AQP10: variants seen among roughly 807,000 people sequenced by gnomAD.
AQP10 encodes aquaporin 10, also known as aquaporin-10.
In AQP10, 15 loss-of-function variants were observed where a neutral mutation model predicts 21.0. That is an observed-to-expected ratio of 0.71 (90% CI 0.48 to 1.10). The LOEUF is 1.10. Among genes scored for constraint, AQP10 ranks in the 50% least tolerant of loss-of-function variants. The pLI, the probability that AQP10 is intolerant of heterozygous loss-of-function variation, is 0.00. For missense variants in AQP10, 268 were observed against 379.5 expected (o/e 0.71, Z 2.44); for synonymous variants, 143 against 155.7 (o/e 0.92, Z 0.61).
chr1:154,323,165 G>A lies in AQP10; in HGVS notation c.370+46G>A. On this transcript the variant is annotated intron_variant, in intron 3 of 5. Transcript: ENST00000324978. This position sits in a 1 kb window ranked among gnomAD's most constrained non-coding sequence, Gnocchi z 4.5. ...AGCTGTGCCTTGAGAGCACCTGTGG[G>A]TGGGCAGGGGTGCCTCAGAATGGTT... 1 of 1,613,984 alleles carries A rather than the reference G, an allele frequency of 6.2e-7. No individual in the cohort carries two copies. The highest frequency in any genetic ancestry group is 8.5e-7 in the Non-Finnish European group (1 of 1,179,890).
In AQP10 at chr1:154,323,158, C is replaced by T. The variant is rs111881137; in HGVS notation, c.370+39C>T. The T allele has an allele frequency of 2.5e-6, 4 of 1,613,972 alleles. No individual in the cohort carries two copies. The African/African-American group carries it at 4.0e-5, about 16-fold the overall frequency. Reference sequence around the variant, plus strand: ...CAGAGGGAGCTGTGCCTTGAGAGCACCTGTGGGTGGGCAGGGGTGCCTCAG... The same window carrying T: ...CAGAGGGAGCTGTGCCTTGAGAGCATCTGTGGGTGGGCAGGGGTGCCTCAG... On this transcript the variant is annotated intron_variant, in intron 3 of 5. Transcript: ENST00000324978. This position sits in a 1 kb window ranked among gnomAD's most constrained non-coding sequence, Gnocchi z 4.5.
Position 154,323,163 on chromosome 1 carries a change from G to A in AQP10, c.370+44G>A, listed in dbSNP as rs766210400. The A allele has an allele frequency of 1.2e-6, 2 of 1,614,020 alleles. No individual in the cohort carries two copies. Among genetic ancestry groups the A allele is most frequent in the Non-Finnish European group, 1.7e-6 (2 of 1,179,894 alleles). Reference sequence around the variant, plus strand: ...GGAGCTGTGCCTTGAGAGCACCTGTGGGTGGGCAGGGGTGCCTCAGAATGG... The same window carrying A: ...GGAGCTGTGCCTTGAGAGCACCTGTAGGTGGGCAGGGGTGCCTCAGAATGG... On this transcript the variant is annotated intron_variant, in intron 3 of 5. Transcript: ENST00000324978. The surrounding 1 kb of genome is among the most constrained non-coding windows in gnomAD (Gnocchi z 4.5).
rs1685724581 is a variant in AQP10, at chr1:154,324,693, C to T, written c.*213C>T. On this transcript the variant is annotated 3_prime_UTR_variant, in exon 6 of 6. Transcript: ENST00000324978. ...CCAGGACTCAGGCTTCTCATCCCCT[C>T]CTCCCGCAAAGCGGTTTTCTGACCC... 1 of 491,692 alleles carries T rather than the reference C, an allele frequency of 2.0e-6. No homozygotes were observed. The highest frequency in any genetic ancestry group is 3.5e-6 in the Non-Finnish European group (1 of 286,912). 30.5% of individuals were successfully genotyped at this position (491,692 alleles called of 1,614,324 possible). A position where few individuals can be genotyped will look rare whatever the true frequency, so the allele number is the denominator to read the frequency against.
Position 154,321,148 on chromosome 1 carries a change from T to C in AQP10, c.-8T>C, listed in dbSNP as rs1685632514. Reference sequence around the variant, plus strand: ...GGGAGCAGTGAATAGCAATAGGGTGTTTCCACCATGGTCTTCACTCAGGCC... The same window carrying C: ...GGGAGCAGTGAATAGCAATAGGGTGCTTCCACCATGGTCTTCACTCAGGCC... On this transcript the variant is annotated 5_prime_UTR_variant, in exon 1 of 6. Coordinates refer to ENST00000324978, the MANE Select transcript of AQP10 (RefSeq NM_080429.3). 6.2e-7 allele frequency: 1 copy of C among 1,611,348 alleles called. No individual in the cohort carries two copies. Among genetic ancestry groups the C allele is most frequent in the Non-Finnish European group, 8.5e-7 (1 of 1,178,364 alleles).
Position 154,323,907 on chromosome 1 carries a change from G to A in AQP10, c.707+101G>A. On this transcript the variant is annotated intron_variant, in intron 5 of 5. Coordinates refer to ENST00000324978, the MANE Select transcript of AQP10 (RefSeq NM_080429.3). This position sits in a 1 kb window ranked among gnomAD's most constrained non-coding sequence, Gnocchi z 4.5. ...ACTCTGCCTTTAAAATAGCTCTCTT[G>A]GCTTCTTAGGACAGTGTTCTTTCTC... 2.0e-6 allele frequency: 3 copies of A among 1,527,714 alleles called. No individual in the cohort carries two copies. Among genetic ancestry groups the A allele is most frequent in the Non-Finnish European group, 2.6e-6 (3 of 1,132,946 alleles). 94.6% of individuals were successfully genotyped at this position (1,527,714 alleles called of 1,614,324 possible). A position where few individuals can be genotyped will look rare whatever the true frequency, so the allele number is the denominator to read the frequency against.
Position 154,322,027 on chromosome 1 carries a change from C to A in AQP10, c.200C>A (p.Thr67Lys). 1 of 1,613,676 alleles carries A rather than the reference C, an allele frequency of 6.2e-7. No homozygotes were observed. The highest frequency in any genetic ancestry group is 2.2e-5 in the East Asian group (1 of 44,878). The stretch of plus-strand genomic sequence containing the variant: ...TTTCTGGCTGGCTCTCTGGCCGTTA[C>A]GATAGCCATCTACGTGGGTGGTAAC... Reference protein sequence around the residue: ...TMFLAGSLAVTIAIYVGGNVS... With the variant: ...TMFLAGSLAVKIAIYVGGNVS... The change falls in exon 2 of 6, where the codon ACG (threonine) becomes AAG (lysine). Residue 67 changes from threonine to lysine, a missense_variant. By Grantham distance (78) the Thr-to-Lys change is moderately conservative. Coordinates refer to ENST00000324978, the MANE Select transcript of AQP10 (RefSeq NM_080429.3).
rs1685715650 is a variant in AQP10 at position 154,324,389 on chromosome 1, C to T, written c.815C>T (p.Pro272Leu). 6.2e-7 allele frequency: 1 copy of T among 1,613,624 alleles called. No individual in the cohort carries two copies. The highest frequency in any genetic ancestry group is 1.7e-5 in the Admixed American group (1 of 60,014). ...GTGGCTCTGCACCACCCTGAGGGCC[C>T]AGAGCCAGCTCAGGATCTGGTGTCT... is the stretch of plus-strand genomic sequence containing the variant. The part of the protein sequence containing the change: ...LLVALHHPEG[P>L]EPAQDLVSAQ... The change falls in exon 6 of 6, where the codon CCA (proline) becomes CTA (leucine). Residue 272 changes from proline to leucine, a missense_variant. Pro to Leu is a moderately conservative substitution (Grantham distance 98). Transcript: ENST00000324978.
In AQP10 at chr1:154,322,046, T is replaced by A; in HGVS notation, c.219T>A (p.Gly73=). ...CCGTTACGATAGCCATCTACGTGGGTGGTAACGTCTCAGGTGAGGAGGGTG... is the reference window on the plus strand; with the variant it reads ...CCGTTACGATAGCCATCTACGTGGGAGGTAACGTCTCAGGTGAGGAGGGTG... ...SLAVTIAIYV[G]GNVSGAHLNP... Residue 73 remains glycine, a synonymous_variant, in exon 2 of 6, where the codon GGT becomes GGA. Transcript: ENST00000324978. 1.2e-6 allele frequency: 2 copies of A among 1,613,338 alleles called. No individual in the cohort carries two copies. The highest frequency in any genetic ancestry group is 1.7e-6 in the Non-Finnish European group (2 of 1,179,662).
Position 154,324,585 on chromosome 1 carries a change from G to C in AQP10, c.*105G>C, listed in dbSNP as rs535904374. On this transcript the variant is annotated 3_prime_UTR_variant, in exon 6 of 6. Transcript: ENST00000324978. ...TTGTTAATGTGCCAGAACCTGGGAGGCTTCTCTGTTTATCTGTTTGGCATC... is the reference window on the plus strand; with the variant it reads ...TTGTTAATGTGCCAGAACCTGGGAGCCTTCTCTGTTTATCTGTTTGGCATC... 4.9e-6 allele frequency: 6 copies of C among 1,225,934 alleles called. No individual in the cohort carries two copies. The South Asian group carries it at 6.0e-5, about 12-fold the overall frequency. The allele number at this position is 1,225,934 out of a possible 1,614,324, so 75.9% of individuals were successfully genotyped here.
chr1:154,322,489 C>CTTCTTCTTCTTTTTTTTTTTTTTTTT (rs376265152), intron 2 of AQP10, among the ~76,000 whole-genome samples: 1 of 117,858 alleles, frequency 8.5e-6, no homozygotes, highest in Non-Finnish European at 1.7e-5. Flanking sequence ...GTGTCTTCTT[C>CTTCTTCTTCTTTTTTTTTTTTTTTTT]TTTTTTTTTT....
Position 154,323,334 on chromosome 1 carries a change from C to A in AQP10, c.464C>A (p.Ser155Tyr). 6.2e-7 allele frequency: 1 copy of A among 1,614,136 alleles called. No individual in the cohort carries two copies. Among genetic ancestry groups the A allele is most frequent in the Non-Finnish European group, 8.5e-7 (1 of 1,180,008 alleles). ...IFATYPAPYL[S>Y]LNNGFLDQVL... ...GCCACCTATCCTGCCCCCTATCTGT[C>A]CCTGAACAATGGCTTCCTGGATCAG... is the stretch of plus-strand genomic sequence containing the variant. The change falls in exon 4 of 6, where the codon TCC becomes TAC. Residue 155 changes from serine to tyrosine, a missense_variant. Ser to Tyr is a moderately radical substitution (Grantham distance 144). Transcript: ENST00000324978. The surrounding 1 kb of genome is among the most constrained non-coding windows in gnomAD (Gnocchi z 4.5).
At chr1:154,321,301 C>T in intron 1 of AQP10, 41 bp downstream of exon 1, 1 of 1,527,430 alleles carries the variant, frequency 6.5e-7, no homozygotes, top group Non-Finnish European at 9.0e-7. Flanking sequence ...GGGGGTTGGG[C>T]AAAAGTTCCT....
chr1:154,323,126 G>T lies in AQP10; in HGVS notation c.370+7G>T. The stretch of plus-strand genomic sequence containing the variant: ...ACCTATGTTCTCTACCATGGTGACA[G>T]AGGGAACAGAGGGAGCTGTGCCTTG... On this transcript the variant is annotated splice_region_variant and intron_variant, in intron 3 of 5. Transcript: ENST00000324978. This position sits in a 1 kb window ranked among gnomAD's most constrained non-coding sequence, Gnocchi z 4.5. The T allele has an allele frequency of 6.2e-7, 1 of 1,613,838 alleles. No individual in the cohort carries two copies. The highest frequency in any genetic ancestry group is 8.5e-7 in the Non-Finnish European group (1 of 1,179,748).
At chr1:154,322,864 T>C in intron 2 of AQP10, 118 bp from the exon 3 acceptor site, 3 of 1,296,470 alleles carry the variant, frequency 2.3e-6, no homozygotes, top group Non-Finnish European at 3.2e-6. Context: ...CTAAGCTGTG[T>C]GATGAGAATT....
chr1:154,322,084 C>T (rs41308403), intron 2 of AQP10, 25 bp downstream of exon 2: 105,330 of 1,612,348 alleles, frequency 0.065, 4,143 homozygotes, highest in Non-Finnish European at 0.075. Flanking sequence ...GTCTGGTCAT[C>T]AGAGCACGTG....
chr1:154,321,531 A>G (rs528727150), intron 1 of AQP10, among the ~76,000 whole-genome samples: 39 of 152,192 alleles, frequency 2.6e-4, no homozygotes, highest in African/African-American at 8.7e-4. Context: ...ATGAAAGACC[A>G]TTTTCATGGT....
chr1:154,322,492 T>TTC (rs1558263943), intron 2 of AQP10, among the ~76,000 whole-genome samples: 1,300 of 35,914 alleles, frequency 0.036, 27 homozygotes, highest in African/African-American at 0.24. Flanking sequence ...TCTTCTTCTT[T>TTC]TTTTTTTTTT....
Position 154,325,316 on chromosome 1 carries a change from C to G in AQP10, c.*836C>G, listed in dbSNP as rs1484961235. 2.0e-5 allele frequency: 3 copies of G among 152,218 alleles called. No homozygotes were observed. Among genetic ancestry groups the G allele is most frequent in the Non-Finnish European group, 4.4e-5 (3 of 68,056 alleles). The allele number at this position is 152,218 out of a possible 1,614,324, so 9.4% of individuals were successfully genotyped here. On this transcript the variant is annotated 3_prime_UTR_variant, in exon 6 of 6. Coordinates refer to ENST00000324978, the MANE Select transcript of AQP10 (RefSeq NM_080429.3). Reference sequence around the variant, plus strand: ...CCTTCTTCCGAATTAAAAATACCCCCTCAGAGCGATCTAGCCTCCCGAATT... The same window carrying G: ...CCTTCTTCCGAATTAAAAATACCCCGTCAGAGCGATCTAGCCTCCCGAATT...
intron 2 of AQP10, among the ~76,000 whole-genome samples, chr1:154,322,489 C>CTTCTTCTTCTTTTTTT (rs376265152): frequency 5.9e-5 from 7 of 117,862 alleles, no homozygotes; most frequent in East Asian, 2.5e-4. Context: ...GTGTCTTCTT[C>CTTCTTCTTCTTTTTTT]TTTTTTTTTT....
Sources: gnomAD v4.1 joint callset for allele counts (sites outside exome capture counted in the v4.1 genomes callset) on GRCh38, gnomAD v4.1.1 for gene constraint, Gnocchi (gnomAD v3.1) non-coding constraint, MANE v1.5 for transcripts, NCBI Gene and HGNC (gene_info 2026-07-23, HGNC 2026-07-21) for gene names.